LRTM3: variants seen among roughly 807,000 people sequenced by gnomAD.
The protein encoded by LRTM3 is leucine rich repeat transmembrane protein 3.
chr13:102,749,994 G>T, the LRTM3 span: 1 of 1,550,272 alleles, frequency 6.5e-7, no homozygotes, highest in Admixed American at 2.0e-5. Context: ...TGGGCAAGAG[G>T]GCAAGGTGCC....
chr13:102,753,473 T>A, the LRTM3 span, among the ~76,000 whole-genome samples: 1 of 133,712 alleles, frequency 7.5e-6, no homozygotes, highest in Non-Finnish European at 1.6e-5. Flanking sequence ...TGCATATGTA[T>A]CCCAGAACTT....
chr13:102,733,420 T>C, the LRTM3 span: 1 of 1,551,334 alleles, frequency 6.4e-7, no homozygotes, highest in Non-Finnish European at 8.7e-7. Context: ...GGTGAGCGTA[T>C]CTCTCTGAAA....
the LRTM3 span, chr13:102,742,115 C>A: frequency 2.6e-6 from 4 of 1,550,208 alleles, no homozygotes; most frequent in East Asian, 7.3e-5. Context: ...CTTTTTAATG[C>A]TAGACACACA....
the LRTM3 span, among the ~76,000 whole-genome samples, chr13:102,756,311 G>GAA: frequency 3.1e-4 from 43 of 136,798 alleles, no homozygotes; most frequent in African/African-American, 1.1e-3. Context: ...TCCTTAGTTC[G>GAA]AAAAAAAAAA....
chr13:102,730,526 A>C, the LRTM3 span: 11 of 1,551,556 alleles, frequency 7.1e-6, no homozygotes, highest in Admixed American at 2.2e-4. Context: ...TTCTGGAGTC[A>C]CATGGAATTC....
chr13:102,732,187 A>G, the LRTM3 span: 1 of 1,551,348 alleles, frequency 6.4e-7, no homozygotes, highest in Non-Finnish European at 8.7e-7. Context: ...ATTTAGGAAG[A>G]CAGATTCTCT....
At chr13:102,738,264 C>T in the LRTM3 span, 15 of 1,550,636 alleles carry the variant, frequency 9.7e-6, 1 homozygote, top group South Asian at 1.8e-4. Context: ...GCTTTTTGTA[C>T]TTTGATTGTG....
the LRTM3 span, chr13:102,734,908 T>C: frequency 6.4e-7 from 1 of 1,551,088 alleles, no homozygotes; most frequent in African/African-American, 1.4e-5. Context: ...ACACATGTTT[T>C]CCTTTTTGTA....
At chr13:102,730,663 G>A in the LRTM3 span, 1 of 1,551,958 alleles carries the variant, frequency 6.4e-7, no homozygotes. Context: ...TTTGCTTTTT[G>A]AAAGAAATAT....
At chr13:102,743,419 G>C in the LRTM3 span, 48,087 of 1,550,320 alleles carry the variant, frequency 0.031, 897 homozygotes, top group Non-Finnish European at 0.037. Context: ...CTTTCAGTTT[G>C]GTTTTTAAAT....
the LRTM3 span, chr13:102,750,330 A>G: frequency 1.3e-6 from 2 of 1,543,632 alleles, no homozygotes; most frequent in South Asian, 1.2e-5. Context: ...TCAAAGTTAC[A>G]TTCCTTTTCT....
chr13:102,735,638 T>C, the LRTM3 span: 35 of 1,551,252 alleles, frequency 2.3e-5, no homozygotes, highest in Admixed American at 6.9e-4. Flanking sequence ...GTCTTCCATA[T>C]CTATTCTGAG....
the LRTM3 span, chr13:102,746,795 C>T: frequency 1.3e-6 from 2 of 1,551,226 alleles, no homozygotes; most frequent in African/African-American, 1.4e-5. Context: ...TGGAATATAA[C>T]TTTCTCTTGT....
At chr13:102,749,789 T>A in the LRTM3 span, 1 of 1,551,374 alleles carries the variant, frequency 6.4e-7, no homozygotes, top group Non-Finnish European at 8.7e-7. Flanking sequence ...CTGAAAAGCA[T>A]TTTGTCCTGG....
At chr13:102,732,484 A>C in the LRTM3 span, 16 of 1,551,124 alleles carry the variant, frequency 1.0e-5, no homozygotes, top group East Asian at 9.8e-5. Flanking sequence ...GTTTGGGAGA[A>C]AGAGGAACAT....
chr13:102,730,488 GA>G, the LRTM3 span: 1 of 1,551,420 alleles, frequency 6.4e-7, no homozygotes, highest in Non-Finnish European at 8.7e-7. Flanking sequence ...TTTCTTTCTT[GA>G]AACCATACAT....
chr13:102,748,516 AAG>A, the LRTM3 span: 1 of 1,550,742 alleles, frequency 6.4e-7, no homozygotes, highest in East Asian at 2.4e-5. Flanking sequence ...TTGAAAGTTG[AAG>A]ATGGGAATTT....
the LRTM3 span, chr13:102,737,184 T>C: frequency 1.3e-6 from 2 of 1,551,060 alleles, no homozygotes; most frequent in African/African-American, 2.7e-5. Context: ...GTTTTTCCTC[T>C]ATCTACTTCT....
chr13:102,733,922 T>C, the LRTM3 span: 3 of 1,551,238 alleles, frequency 1.9e-6, no homozygotes, highest in Non-Finnish European at 2.6e-6. Flanking sequence ...TTTCTGGGTA[T>C]TTGAGGGTAC....
Sources: gnomAD v4.1 joint callset for allele counts (sites outside exome capture counted in the v4.1 genomes callset) on GRCh38, gnomAD v4.1.1 for gene constraint, MANE v1.5 for transcripts, NCBI Gene and HGNC (gene_info 2026-07-23, HGNC 2026-07-21) for gene names.